The following ADAMTS12 variants were observed in gnomAD, a reference collection of about 807,000 sequenced individuals.
ADAMTS12 encodes A disintegrin and metalloproteinase with thrombospondin motifs 12.
In ADAMTS12, 118 loss-of-function variants were observed where a neutral mutation model predicts 167.8. The observed-to-expected ratio is 0.70, with a 90% CI of 0.61 to 0.82. The LOEUF (loss-of-function observed/expected upper bound fraction) is 0.82, where lower values mean the gene tolerates loss of function less well. ADAMTS12 is among the 40% of genes least tolerant of loss of function. The pLI is 0.00. For synonymous variants in ADAMTS12, 704 were observed against 716.9 expected (o/e 0.98, Z 0.29); for missense variants, 1,916 against 1,998.8 (o/e 0.96, Z 0.79).
chr5:33,751,688 A>C, intron 2 of ADAMTS12, 140 bp from the exon 3 acceptor site: 1 of 745,240 alleles, frequency 1.3e-6, no homozygotes, highest in Non-Finnish European at 2.2e-6. Flanking sequence ...TCGATCTCAT[A>C]GAAGAGTTAC....
chr5:33,566,471 G>A (rs954636669), intron 19 of ADAMTS12, among the ~76,000 whole-genome samples: 10 of 152,044 alleles, frequency 6.6e-5, no homozygotes, highest in Non-Finnish European at 1.3e-4. Flanking sequence ...CTCAAAAAAA[G>A]TCAATGAGTC....
intron 2 of ADAMTS12, among the ~76,000 whole-genome samples, chr5:33,856,092 G>A (rs992103027): frequency 6.6e-6 from 1 of 152,112 alleles, no homozygotes; most frequent in Non-Finnish European, 1.5e-5. Context: ...GTTCTTCACT[G>A]GAGATAGAAG....
At chr5:33,532,685 C>T (rs1282907329) in intron 23 of ADAMTS12, among the ~76,000 whole-genome samples, 1 of 151,908 alleles carries the variant, frequency 6.6e-6, no homozygotes, top group African/African-American at 2.4e-5. Flanking sequence ...GTTTTGTAGG[C>T]ACTAATGTGG....
intron 2 of ADAMTS12, among the ~76,000 whole-genome samples, chr5:33,830,261 G>A (rs1748241496): frequency 6.6e-6 from 1 of 152,136 alleles, no homozygotes; most frequent in East Asian, 1.9e-4. Flanking sequence ...AGAAGATAGA[G>A]GGAAGAGGTG....
intron 12 of ADAMTS12, among the ~76,000 whole-genome samples, chr5:33,633,064 A>G (rs1740024311): frequency 6.6e-6 from 1 of 151,614 alleles, no homozygotes; most frequent in Non-Finnish European, 1.5e-5. Context: ...ATTTGTGTGC[A>G]AATGAAAACC....
intron 2 of ADAMTS12, among the ~76,000 whole-genome samples, chr5:33,811,263 C>G (rs1044386716): frequency 6.6e-6 from 1 of 152,140 alleles, no homozygotes; most frequent in African/African-American, 2.4e-5. Context: ...TCAAAATCCC[C>G]CAGGGAGTCT....
chr5:33,734,831 C>G (rs1352765249), intron 3 of ADAMTS12, among the ~76,000 whole-genome samples: 1 of 152,160 alleles, frequency 6.6e-6, no homozygotes, highest in Non-Finnish European at 1.5e-5. Flanking sequence ...GTTCCAGAGC[C>G]TGGCTGAAGG....
chr5:33,891,667 C>T (rs919219001), intron 1 of ADAMTS12, 63 bp downstream of exon 1: 5 of 1,605,258 alleles, frequency 3.1e-6, no homozygotes, highest in Non-Finnish European at 4.3e-6. Flanking sequence ...GAAAGGGGAG[C>T]AACAAAATTC....
At chr5:33,574,652 A>G (rs991879310) in intron 19 of ADAMTS12, among the ~76,000 whole-genome samples, 3 of 152,040 alleles carry the variant, frequency 2.0e-5, no homozygotes, top group African/African-American at 7.2e-5. Flanking sequence ...ATGCTAAACG[A>G]CGAATTAATG....
intron 2 of ADAMTS12, among the ~76,000 whole-genome samples, chr5:33,800,508 C>T (rs985878809): frequency 4.6e-5 from 7 of 152,180 alleles, no homozygotes; most frequent in African/African-American, 1.7e-4. Context: ...TTTCCCATAG[C>T]CTTCTACTAT....
At chr5:33,643,315 TCAG>T (rs2112176709) in intron 10 of ADAMTS12, 60 bp downstream of exon 10, 1 of 1,560,836 alleles carries the variant, frequency 6.4e-7, no homozygotes, top group East Asian at 2.2e-5. Flanking sequence ...GGCCTTCTCC[TCAG>T]CTCCTCCCAA....
chr5:33,528,756 A>G (rs1383072766), intron 23 of ADAMTS12, among the ~76,000 whole-genome samples: 1 of 152,134 alleles, frequency 6.6e-6, no homozygotes, highest in African/African-American at 2.4e-5. Flanking sequence ...AAAATAACCA[A>G]TGCTTCCGGG....
Position 33,536,419 on chromosome 5 carries a change from C to T in ADAMTS12, c.4447-1427G>A, listed in dbSNP as rs150423186. Among the ~76,000 whole-genome samples, 532 of 152,262 alleles carry T rather than the reference C, an allele frequency of 3.5e-3. 4 individuals carry two copies. Among genetic ancestry groups the T allele is most frequent in the African/African-American group, 0.012 (496 of 41,570 alleles). ...CTAAAGATAGATCAGTGTAATTTTA[C>T]AGGTTCCAAAATTGTATGAACCCAT... is the stretch of plus-strand genomic sequence containing the variant. On this transcript the variant is annotated intron_variant, in intron 22 of 23. Coordinates refer to ENST00000504830, the MANE Select transcript of ADAMTS12 (RefSeq NM_030955.4).
intron 13 of ADAMTS12, among the ~76,000 whole-genome samples, chr5:33,628,975 T>C (rs1247367943): frequency 6.6e-6 from 1 of 152,182 alleles, no homozygotes; most frequent in East Asian, 1.9e-4. Context: ...CTTATAATGG[T>C]TCTCAATCCT....
chr5:33,543,064 T>C (rs1171382932), intron 22 of ADAMTS12, among the ~76,000 whole-genome samples: 2 of 152,120 alleles, frequency 1.3e-5, no homozygotes, highest in Non-Finnish European at 2.9e-5. Context: ...AAAAACTGAA[T>C]GAATCCAGGA....
intron 2 of ADAMTS12, among the ~76,000 whole-genome samples, chr5:33,774,526 G>C (rs1320178285): frequency 1.3e-5 from 2 of 152,154 alleles, no homozygotes; most frequent in African/African-American, 2.4e-5. Flanking sequence ...CCACTGAAAG[G>C]CTGTCTAATT....
At chr5:33,876,619 G>C (rs1389927939) in intron 2 of ADAMTS12, among the ~76,000 whole-genome samples, 1 of 152,128 alleles carries the variant, frequency 6.6e-6, no homozygotes, top group Non-Finnish European at 1.5e-5. Context: ...GGAGGGGAGG[G>C]AGGAGAACCT....
At chr5:33,693,298 C>T (rs1470127674) in intron 3 of ADAMTS12, among the ~76,000 whole-genome samples, 1 of 152,102 alleles carries the variant, frequency 6.6e-6, no homozygotes, top group Non-Finnish European at 1.5e-5. Context: ...CTTGAGAAAC[C>T]ATCTGCTCTT....
chr5:33,800,672 C>T (rs538786960), intron 2 of ADAMTS12, among the ~76,000 whole-genome samples: 12 of 151,978 alleles, frequency 7.9e-5, no homozygotes, highest in Non-Finnish European at 1.6e-4. Context: ...CTTCACCAGA[C>T]TAAGGATTGT....
Sources: allele counts gnomAD v4.1 joint callset (sites outside exome capture counted in the v4.1 genomes callset), GRCh38; gene constraint gnomAD v4.1.1; transcripts MANE v1.5; gene names NCBI Gene and HGNC (gene_info 2026-07-23, HGNC 2026-07-21).